The following PAQR5 variants were observed in gnomAD, a reference collection of about 807,000 sequenced individuals.
The protein encoded by PAQR5 is progestin and adipoQ receptor family member 5, also known as membrane progestin receptor gamma.
Under a neutral mutation model 34.5 loss-of-function variants are expected in PAQR5, and 20 were observed. The ratio of observed to expected loss-of-function variants is 0.58; its 90% CI spans 0.41 to 0.84. PAQR5 has a LOEUF of 0.84. PAQR5 is among the 40% of genes least tolerant of loss of function. PAQR5 has a pLI of 0.00. For missense variants in PAQR5, 378 were observed against 412.7 expected (o/e 0.92, Z 0.73); for synonymous variants, 131 against 155.6 (o/e 0.84, Z 1.18).
chr15:69,370,644 C>T (rs1298175514), intron 3 of PAQR5, among the ~76,000 whole-genome samples: 3 of 152,094 alleles, frequency 2.0e-5, no homozygotes, highest in African/African-American at 4.8e-5. Flanking sequence ...CTCAGCCTCC[C>T]GAGTAGCTGG....
chr15:69,398,265 G>C (rs968177915), intron 7 of PAQR5, among the ~76,000 whole-genome samples: 5 of 152,258 alleles, frequency 3.3e-5, no homozygotes, highest in African/African-American at 1.2e-4. Flanking sequence ...AGAGCATAAA[G>C]GAAGAGAGTG....
intron 1 of PAQR5, among the ~76,000 whole-genome samples, chr15:69,300,607 TTCTTTCTTTCTTTCTTTC>T: frequency 2.3e-5 from 1 of 44,032 alleles, no homozygotes. Context: ...CTTTCTTTCT[TTCTTTCTTTCTTTCTTTC>T]TTTCTTTCTT....
intron 3 of PAQR5, among the ~76,000 whole-genome samples, chr15:69,375,154 G>T (rs529768932): frequency 6.6e-6 from 1 of 152,160 alleles, no homozygotes; most frequent in Non-Finnish European, 1.5e-5. Context: ...TCGCAGTTCC[G>T]GAGACTGAAA....
At chr15:69,376,477 G>C (rs145329925) in intron 3 of PAQR5, among the ~76,000 whole-genome samples, 1,772 of 152,248 alleles carry the variant, frequency 0.012, 35 homozygotes, top group African/African-American at 0.04. Context: ...GTGCAACTAA[G>C]ACCTAGTAAT....
chr15:69,315,894 C>T (rs2053934726), intron 1 of PAQR5, among the ~76,000 whole-genome samples: 1 of 152,070 alleles, frequency 6.6e-6, no homozygotes, highest in Admixed American at 6.6e-5. Flanking sequence ...ATGCCGCTTC[C>T]TTCCCCTTGG....
At chr15:69,388,867 G>C (rs1381089003) in intron 5 of PAQR5, among the ~76,000 whole-genome samples, 1 of 152,240 alleles carries the variant, frequency 6.6e-6, no homozygotes, top group Non-Finnish European at 1.5e-5. Flanking sequence ...GCCTTGGGCT[G>C]CCTCCCTTAG....
intron 8 of PAQR5, among the ~76,000 whole-genome samples, chr15:69,400,811 C>G (rs2056604354): frequency 6.6e-6 from 1 of 152,132 alleles, no homozygotes; most frequent in African/African-American, 2.4e-5. Context: ...TTGTCTTGAG[C>G]ATGGTGGACG....
chr15:69,326,516 A>C (rs1388101829), intron 1 of PAQR5, among the ~76,000 whole-genome samples: 4 of 150,812 alleles, frequency 2.7e-5, no homozygotes, highest in Admixed American at 1.3e-4. Flanking sequence ...GCTCACTGCA[A>C]TCTCTGCCTC....
Position 69,385,267 on chromosome 15 carries a change from G to T in PAQR5, c.385+385G>T, listed in dbSNP as rs1161180840. ...AGTAGATGTAGTCATTGAGTACTCAGTACTTTTGTTAATATGATTTATTTA... is the reference window on the plus strand; with the variant it reads ...AGTAGATGTAGTCATTGAGTACTCATTACTTTTGTTAATATGATTTATTTA... On this transcript the variant is annotated intron_variant, in intron 5 of 8. Coordinates refer to ENST00000395407, the MANE Select transcript of PAQR5 (RefSeq NM_017705.4). The surrounding 1 kb of genome is among the most constrained non-coding windows in gnomAD (Gnocchi z 4.7). Among the ~76,000 whole-genome samples the T allele has an allele frequency of 2.6e-5, 4 of 152,148 alleles. No individual in the cohort carries two copies. Among genetic ancestry groups the T allele is most frequent in the African/African-American group, 9.7e-5 (4 of 41,412 alleles).
Position 69,403,929 on chromosome 15 carries a change from T to C in PAQR5, c.*107T>C, listed in dbSNP as rs1471205903. 4.2e-6 allele frequency: 5 copies of C among 1,189,496 alleles called. No individual in the cohort carries two copies. The African/African-American group carries it at 6.1e-5, about 15-fold the overall frequency. 73.7% of individuals were successfully genotyped at this position (1,189,496 alleles called of 1,614,324 possible). ...TTATCATGGCCTAAAATATTCATAA[T>C]GGTTGGTGTCTTTTGAATGAATTCA... On this transcript the variant is annotated 3_prime_UTR_variant, in exon 9 of 9. Coordinates refer to ENST00000395407, the MANE Select transcript of PAQR5 (RefSeq NM_017705.4).
chr15:69,360,683 A>G (rs2055209020), intron 3 of PAQR5, among the ~76,000 whole-genome samples: 1 of 152,236 alleles, frequency 6.6e-6, no homozygotes, highest in South Asian at 2.1e-4. Context: ...TTACTAAGCC[A>G]TAGGTGAGCC....
intron 1 of PAQR5, among the ~76,000 whole-genome samples, chr15:69,312,220 G>T (rs2053848555): frequency 6.6e-6 from 1 of 152,072 alleles, no homozygotes; most frequent in African/African-American, 2.4e-5. Context: ...AGGAGGCAGG[G>T]GCGAGAGGGT....
At position 69,387,392 on chromosome 15, in the gene PAQR5, G is replaced by A. The variant is rs546738885; in HGVS notation, c.386-2262G>A. On this transcript the variant is annotated intron_variant, in intron 5 of 8. Transcript: ENST00000395407. ...GATTCCACCACCCCTAACTGTTAGAGGTTCCTGTGCAAGTTTCATAACCCT... is the reference window on the plus strand; with the variant it reads ...GATTCCACCACCCCTAACTGTTAGAAGTTCCTGTGCAAGTTTCATAACCCT... Among the ~76,000 whole-genome samples the A allele has an allele frequency of 2.0e-5, 3 of 152,330 alleles. No homozygotes were observed. In the East Asian group the frequency reaches 5.8e-4, roughly 29 times the overall value.
intron 1 of PAQR5, among the ~76,000 whole-genome samples, chr15:69,318,501 T>C (rs2054004831): frequency 6.6e-6 from 1 of 152,066 alleles, no homozygotes; most frequent in Admixed American, 6.5e-5. Context: ...AGCCAACATT[T>C]CTGACACTCT....
chr15:69,322,776 GAA>G, intron 1 of PAQR5, among the ~76,000 whole-genome samples: 1 of 79,634 alleles, frequency 1.3e-5, no homozygotes, highest in East Asian at 3.6e-4. Flanking sequence ...AGAAGAGGGA[GAA>G]GAAGAAGACG....
At chr15:69,310,581 T>A (rs2053808140) in intron 1 of PAQR5, among the ~76,000 whole-genome samples, 1 of 152,256 alleles carries the variant, frequency 6.6e-6, no homozygotes, top group Non-Finnish European at 1.5e-5. Context: ...TATTTGAAGT[T>A]GTTCTTATCA....
chr15:69,387,412 A>T (rs1205382193), intron 5 of PAQR5, among the ~76,000 whole-genome samples: 1 of 152,188 alleles, frequency 6.6e-6, no homozygotes, highest in Non-Finnish European at 1.5e-5. Context: ...CAAGTTTCAT[A>T]ACCCTGCCAA....
chr15:69,300,937 C>CTTTCTTTCCT (rs56151928), intron 1 of PAQR5, among the ~76,000 whole-genome samples: 4 of 5,188 alleles, frequency 7.7e-4, no homozygotes, highest in African/African-American at 1.2e-3. Context: ...CTCTCTCTCT[C>CTTTCTTTCCT]TCTTTCTTTC....
At chr15:69,392,877 T>C (rs1370307772) in intron 6 of PAQR5, among the ~76,000 whole-genome samples, 1 of 151,344 alleles carries the variant, frequency 6.6e-6, no homozygotes, top group Non-Finnish European at 1.5e-5. Flanking sequence ...AGCAGCAAGG[T>C]GTGTTAGAGC....
Sources: allele counts gnomAD v4.1 joint callset (sites outside exome capture counted in the v4.1 genomes callset), GRCh38; gene constraint gnomAD v4.1.1; non-coding constraint Gnocchi (gnomAD v3.1); transcripts MANE v1.5; gene names NCBI Gene and HGNC (gene_info 2026-07-23, HGNC 2026-07-21).